MARCHF10: variants seen among roughly 807,000 people sequenced by gnomAD.
MARCHF10 encodes probable E3 ubiquitin-protein ligase MARCHF10.
A neutral mutation model predicts 76.2 loss-of-function variants in MARCHF10; 64 were observed. The observed-to-expected ratio is 0.84, with a 90% CI of 0.69 to 1.03. The LOEUF is 1.03. Among genes scored for constraint, MARCHF10 ranks in the 50% least tolerant of loss-of-function variants. MARCHF10 has a pLI of 0.00. For synonymous variants in MARCHF10, 340 were observed against 357.5 expected, an observed-to-expected ratio of 0.95 and a Z score of 0.55; for missense variants, 875 against 958.0, an observed-to-expected ratio of 0.91 and a Z score of 1.14.
chr17:62,705,355 A>G (rs2089511761), intron 10 of MARCHF10, 184 bp downstream of exon 10: 25 of 1,515,620 alleles, frequency 1.6e-5, no homozygotes, highest in Admixed American at 2.6e-5. Context: ...CTCTGCATCC[A>G]GTGAACTTGG....
At chr17:62,710,261 G>A (rs2089844701) in intron 9 of MARCHF10, among the ~76,000 whole-genome samples, 1 of 152,162 alleles carries the variant, frequency 6.6e-6, no homozygotes. Context: ...TTAAAAAGAT[G>A]TGGAATCATG....
At chr17:62,706,738 C>A (rs1241774154) in intron 9 of MARCHF10, among the ~76,000 whole-genome samples, 1 of 152,180 alleles carries the variant, frequency 6.6e-6, no homozygotes, top group East Asian at 1.9e-4. Flanking sequence ...ACACCTGGGG[C>A]AGAAGACAGA....
chr17:62,794,065 T>TCCATCACCACCACCACCACAA (rs2092941123), intron 2 of MARCHF10, among the ~76,000 whole-genome samples: 1 of 117,462 alleles, frequency 8.5e-6, no homozygotes, highest in Non-Finnish European at 1.7e-5. Context: ...CATCACCACC[T>TCCATCACCACCACCACCACAA]CCATCACCAC....
At chr17:62,705,729 G>T in intron 9 of MARCHF10, 148 bp from the exon 10 acceptor site, 1 of 961,652 alleles carries the variant, frequency 1.0e-6, no homozygotes, top group Non-Finnish European at 1.5e-6. Flanking sequence ...TGAGGGCTGG[G>T]TGAGTGCTAA....
At chr17:62,798,735 T>C (rs1183413054) in intron 2 of MARCHF10, among the ~76,000 whole-genome samples, 2 of 152,176 alleles carry the variant, frequency 1.3e-5, no homozygotes, top group Non-Finnish European at 2.9e-5. Context: ...AAGGACACGA[T>C]GTCTACAGAA....
intron 4 of MARCHF10, among the ~76,000 whole-genome samples, chr17:62,752,731 A>G (rs1406047734): frequency 6.6e-6 from 1 of 150,920 alleles, no homozygotes; most frequent in African/African-American, 2.4e-5. Flanking sequence ...CAGCCTCCCA[A>G]AGTGCTAGGA....
intron 10 of MARCHF10, chr17:62,705,264 T>TC: frequency 7.2e-7 from 1 of 1,396,546 alleles, no homozygotes; most frequent in Non-Finnish European, 9.3e-7. Context: ...AAGGAACAAA[T>TC]CTTATCTCAT....
chr17:62,793,447 A>T (rs1598057079), intron 2 of MARCHF10, among the ~76,000 whole-genome samples: 1 of 124,428 alleles, frequency 8.0e-6, no homozygotes, highest in Non-Finnish European at 1.7e-5. Context: ...AACCATCACC[A>T]CCATCACCAC....
At chr17:62,703,058 C>T (rs1226404563) in intron 10 of MARCHF10, among the ~76,000 whole-genome samples, 1 of 152,218 alleles carries the variant, frequency 6.6e-6, no homozygotes, top group African/African-American at 2.4e-5. Flanking sequence ...AGCAGCTGTC[C>T]TGGTGCTGGT....
Position 62,725,051 on chromosome 17 carries a change from A to G in MARCHF10, c.1991T>C (p.Ile664Thr). The G allele has an allele frequency of 1.2e-6, 2 of 1,607,816 alleles. No individual in the cohort carries two copies. Among genetic ancestry groups the G allele is most frequent in the Non-Finnish European group, 1.7e-6 (2 of 1,177,810 alleles). The part of the protein sequence containing the change: ...EEGDLCRICQ[I>T]AGGSPSNPLL... ...GGGGTTGCTTGGGGAACCCCCGGCT[A>G]TCTGACAGATGCGACACAAGTCTCC... is the stretch of plus-strand genomic sequence containing the variant. Residue 664 changes from isoleucine to threonine, a missense_variant, in exon 7 of 11, where the codon ATA becomes ACA. Transcript: ENST00000311269.
chr17:62,723,558 A>AATTTTTTTTTTTTTTT, intron 7 of MARCHF10, among the ~76,000 whole-genome samples: 1 of 62,380 alleles, frequency 1.6e-5, no homozygotes, highest in African/African-American at 1.3e-4. Context: ...TGTTCGCTTG[A>AATTTTTTTTTTTTTTT]CTTTTTTTTT....
rs35064058 is a variant in MARCHF10, at chr17:62,770,851, C to CTTTT, written c.211-10849_211-10846dup. 8.5e-4 allele frequency among the ~76,000 whole-genome samples: 71 copies of CTTTT among 83,618 alleles called. 3 individuals carry two copies. The highest frequency in any genetic ancestry group is 1.9e-3 in the East Asian group (5 of 2,658). 54.9% of individuals were successfully genotyped at this position (83,618 alleles called of 152,430 possible). ...CCACCGCACCTGGTCTGTATTTTGA[C>CTTTT]TTTTTTTTTTTTTTTTTTTTTTGAG... On this transcript the variant is annotated intron_variant, in intron 3 of 10. Coordinates refer to ENST00000311269, the MANE Select transcript of MARCHF10 (RefSeq NM_152598.4).
At chr17:62,720,931 G>A (rs2090455115) in intron 8 of MARCHF10, among the ~76,000 whole-genome samples, 1 of 145,796 alleles carries the variant, frequency 6.9e-6, no homozygotes, top group Admixed American at 7.0e-5. Context: ...GCAGTGGTGC[G>A]ATCTCGGCTC....
intron 6 of MARCHF10, among the ~76,000 whole-genome samples, chr17:62,731,674 T>G (rs2091030203): frequency 6.6e-6 from 1 of 152,230 alleles, no homozygotes; most frequent in African/African-American, 2.4e-5. Context: ...CGTGTAGAAC[T>G]TTCCTGAAGC....
rs544764660 is a variant in MARCHF10, at chr17:62,787,740, A to AGATG, written c.210+736_210+739dup. On this transcript the variant is annotated intron_variant, in intron 3 of 10. Transcript: ENST00000311269. Reference sequence around the variant, plus strand: ...TTTTCTCATCAGTAAAGTGGGGCAAAGATGGATGGATAGATAGATAGATAG... The same window carrying AGATG: ...TTTTCTCATCAGTAAAGTGGGGCAAAGATGGATGGATGGATAGATAGATAGATAG... Among the ~76,000 whole-genome samples the AGATG allele has an allele frequency of 5.3e-5, 8 of 151,094 alleles. 1 individual carries two copies. The South Asian group carries it at 1.3e-3, about 24-fold the overall frequency.
In MARCHF10 at chr17:62,737,140, T is replaced by G; in HGVS notation, c.728A>C (p.Asn243Thr). 1.9e-6 allele frequency: 3 copies of G among 1,614,094 alleles called. No homozygotes were observed. Among genetic ancestry groups the G allele is most frequent in the Non-Finnish European group, 1.7e-6 (2 of 1,180,034 alleles). ...PALSQAFQGK[N>T]SPQVLSEFSG... is the part of the protein sequence containing the mutation. ...GAACTCACTCAATACTTGAGGACTA[T>G]TTTTTCCTTGGAAGGCCTGGGACAG... Residue 243 changes from asparagine (N) to threonine (T), a missense_variant, in exon 6 of 11, where the codon AAT becomes ACT. Coordinates refer to ENST00000311269, the MANE Select transcript of MARCHF10 (RefSeq NM_152598.4).
In MARCHF10 at chr17:62,713,590, C is replaced by T. The variant is rs1015440154; in HGVS notation, c.2215-2246G>A. Among the ~76,000 whole-genome samples the T allele has an allele frequency of 1.6e-4, 24 of 152,268 alleles. 1 individual carries two copies. The highest frequency in any genetic ancestry group is 5.3e-4 in the African/African-American group (22 of 41,560). ...GGCTCAGCCCACCAATCAGAGCAGGCGTGTGATAGTCAACTCCGAATCAGC... is the reference window on the plus strand; with the variant it reads ...GGCTCAGCCCACCAATCAGAGCAGGTGTGTGATAGTCAACTCCGAATCAGC... On this transcript the variant is annotated intron_variant, in intron 8 of 10. Coordinates refer to ENST00000311269, the MANE Select transcript of MARCHF10 (RefSeq NM_152598.4).
intron 3 of MARCHF10, among the ~76,000 whole-genome samples, chr17:62,783,738 A>G (rs1201180408): frequency 3.9e-5 from 6 of 152,230 alleles, no homozygotes; most frequent in South Asian, 2.1e-4. Flanking sequence ...AGAGAATACT[A>G]TAAACACCTC....
chr17:62,779,687 C>T (rs2092621356), intron 3 of MARCHF10, among the ~76,000 whole-genome samples: 1 of 152,218 alleles, frequency 6.6e-6, no homozygotes, highest in African/African-American at 2.4e-5. Context: ...AAACAAAACC[C>T]TTCCCTGGCT....
Sources: gnomAD v4.1 joint callset for allele counts (sites outside exome capture counted in the v4.1 genomes callset) on GRCh38, gnomAD v4.1.1 for gene constraint, MANE v1.5 for transcripts, NCBI Gene and HGNC (gene_info 2026-07-23, HGNC 2026-07-21) for gene names.